The following TMEM184B variants were observed in gnomAD, a reference collection of about 807,000 sequenced individuals.
TMEM184B encodes the protein transmembrane protein 184B, also known as putative MAPK-activating protein FM08.
Under a neutral mutation model 41.8 loss-of-function variants are expected in TMEM184B, and 17 were observed. That is an observed-to-expected ratio of 0.41 (90% confidence interval 0.28 to 0.61). The LOEUF (loss-of-function observed/expected upper bound fraction) is 0.61. Among genes scored for constraint, TMEM184B ranks in the 20% least tolerant of loss-of-function variants. The pLI, the probability that TMEM184B is intolerant of heterozygous loss-of-function variation, is 0.34. For missense variants in TMEM184B, 393 were observed against 557.8 expected (o/e 0.70, Z 2.98); for synonymous variants, 240 against 229.5 (o/e 1.05, Z -0.41).
chr22:38,231,222 T>C (rs1323022717), intron 4 of TMEM184B, 22 bp downstream of exon 4: 40 of 1,607,976 alleles, frequency 2.5e-5, no homozygotes, highest in Non-Finnish European at 3.2e-5. Flanking sequence ...GGTTTAGGGC[T>C]CTGGGAAGAC....
chr22:38,225,487 G>A lies in TMEM184B; in HGVS notation c.724C>T (p.Pro242Ser). 6.3e-7 allele frequency: 1 copy of A among 1,596,366 alleles called. No homozygotes were observed. Among genetic ancestry groups the A allele is most frequent in the South Asian group, 1.1e-5 (1 of 89,066 alleles). ...AAGAACTTGAGGACGGGGCTGTAGG[G>A]GCTGAGCAGCTCCCGGGTGGCGAAG... Reference protein sequence around the residue: ...FYFATRELLSPYSPVLKFFMV... With the variant: ...FYFATRELLSSYSPVLKFFMV... Residue 242 changes from proline (P) to serine (S), a missense_variant, in exon 7 of 9, where the codon CCC becomes TCC. This residue lies in a region of TMEM184B where 271 missense variants were observed against 434.1 expected (regional missense o/e 0.62). Coordinates refer to ENST00000361906, the MANE Select transcript of TMEM184B (RefSeq NM_012264.5). This position sits in a 1 kb window ranked among gnomAD's most constrained non-coding sequence, Gnocchi z 4.4.
rs981235070 is a variant in TMEM184B, at chr22:38,220,697, G to A, written c.*772C>T. The A allele has an allele frequency of 2.4e-5, 24 of 986,180 alleles. No homozygotes were observed. Among genetic ancestry groups the A allele is most frequent in the Non-Finnish European group, 2.8e-5 (23 of 830,258 alleles). The allele number at this position is 986,180 out of a possible 1,614,324, so 61.1% of individuals were successfully genotyped here. On this transcript the variant is annotated 3_prime_UTR_variant, in exon 9 of 9. Coordinates refer to ENST00000361906, the MANE Select transcript of TMEM184B (RefSeq NM_012264.5). ...AAGGGCTCTGCCCAAAGCTATCGAG[G>A]AAGGACCCAAGTGAGCCGGCAGTGC...
chr22:38,249,067 G>T (rs1021196084), intron 1 of TMEM184B, among the ~76,000 whole-genome samples: 2 of 152,098 alleles, frequency 1.3e-5, no homozygotes, highest in Admixed American at 1.3e-4. Context: ...CGAACACGCG[G>T]GTCTGTCACC....
At chr22:38,251,701 C>T (rs985951752) in intron 1 of TMEM184B, among the ~76,000 whole-genome samples, 6 of 152,300 alleles carry the variant, frequency 3.9e-5, no homozygotes, top group Non-Finnish European at 8.8e-5. Context: ...CACAGGCAAG[C>T]AGGACGTTCA....
chr22:38,221,181 A>G lies in TMEM184B; in HGVS notation c.*288T>C, dbSNP rs937366371. On this transcript the variant is annotated 3_prime_UTR_variant, in exon 9 of 9. Coordinates refer to ENST00000361906, the MANE Select transcript of TMEM184B (RefSeq NM_012264.5). ...GGGCCTGGGTGCGGCTGGTCCCAGC[A>G]TGCCCCCAGCACAGGACGGGCAGCA... is the stretch of plus-strand genomic sequence containing the variant. 2.5e-5 allele frequency: 32 copies of G among 1,256,144 alleles called. No homozygotes were observed. The highest frequency in any genetic ancestry group is 3.1e-4 in the Middle Eastern group (1 of 3,234). 77.8% of individuals were successfully genotyped at this position (1,256,144 alleles called of 1,614,324 possible).
intron 1 of TMEM184B, among the ~76,000 whole-genome samples, chr22:38,249,181 G>C (rs1306574032): frequency 6.6e-6 from 1 of 152,180 alleles, no homozygotes; most frequent in Non-Finnish European, 1.5e-5. Context: ...ACAGGGTCTC[G>C]CTCTGTTGCC....
chr22:38,231,743 G>A (rs979524575), intron 3 of TMEM184B: 2 of 361,888 alleles, frequency 5.5e-6, no homozygotes, highest in Non-Finnish European at 1.1e-5. Context: ...GCATGCGCCT[G>A]TGGTCCCAGC....
intron 1 of TMEM184B, among the ~76,000 whole-genome samples, chr22:38,253,073 C>A (rs1228788166): frequency 6.6e-6 from 1 of 152,030 alleles, no homozygotes; most frequent in Non-Finnish European, 1.5e-5. Context: ...ACCCGGGAGG[C>A]AGAGCTTGCA....
At chr22:38,242,211 T>C (rs1415362705) in intron 3 of TMEM184B, among the ~76,000 whole-genome samples, 1 of 151,886 alleles carries the variant, frequency 6.6e-6, no homozygotes, top group East Asian at 1.9e-4. Context: ...CTCACGCCTG[T>C]AATCCCAGCA....
intron 8 of TMEM184B, among the ~76,000 whole-genome samples, chr22:38,224,326 G>GA (rs2091358697): frequency 6.6e-6 from 1 of 152,212 alleles, no homozygotes; most frequent in Non-Finnish European, 1.5e-5. Flanking sequence ...GTGTTAGCCA[G>GA]GATGGTCTCG....
chr22:38,260,471 A>C (rs557985773), intron 1 of TMEM184B, among the ~76,000 whole-genome samples: 106 of 152,242 alleles, frequency 7.0e-4, no homozygotes, highest in Admixed American at 1.0e-3. Flanking sequence ...CACCTGACAA[A>C]TGGTTCTTCC....
chr22:38,247,897 G>C lies in TMEM184B; in HGVS notation c.65C>G (p.Pro22Arg), dbSNP rs1179281195. The C allele has an allele frequency of 6.2e-7, 1 of 1,609,736 alleles. No homozygotes were observed. Among genetic ancestry groups the C allele is most frequent in the Non-Finnish European group, 8.5e-7 (1 of 1,178,982 alleles). The change falls in exon 2 of 9, where the codon CCC (proline) becomes CGC (arginine). Residue 22 changes from proline (P) to arginine (R), a missense_variant. Transcript: ENST00000361906. ...PASPTTAAAS[P>R]SVSVIPEGSP... ...GCCCTCGGGGATCACGGAGACGCTG[G>C]GCGAGGCTGCTGCGGTCGTGGGCGA...
At chr22:38,231,165 G>C in intron 4 of TMEM184B, 79 bp downstream of exon 4, 1 of 1,221,224 alleles carries the variant, frequency 8.2e-7, no homozygotes, top group Non-Finnish European at 1.2e-6. Context: ...TCTGTGTCCA[G>C]CTGGTGCCAG....
chr22:38,216,410 AATTT>A (rs1416653980), downstream of TMEM184B: 5 of 167,092 alleles, frequency 3.0e-5, no homozygotes, highest in African/African-American at 4.8e-5. Flanking sequence ...CGGCTCCTAG[AATTT>A]ATTTATTTCC....
intron 1 of TMEM184B, among the ~76,000 whole-genome samples, chr22:38,260,836 A>C (rs2092359410): frequency 6.6e-6 from 1 of 152,000 alleles, no homozygotes; most frequent in African/African-American, 2.4e-5. Flanking sequence ...CTGAGGTCAT[A>C]TTTTCATTCA....
rs1225024219 is a variant in TMEM184B, at chr22:38,220,469, C to T, written c.*1000G>A. On this transcript the variant is annotated 3_prime_UTR_variant, in exon 9 of 9. Transcript: ENST00000361906. ...GCCCCGAGAGGAGTCTGGGACCATT[C>T]CCCCCACCTCCCAGCTCCCCACTGT... The T allele has an allele frequency of 3.0e-6, 3 of 985,506 alleles. No homozygotes were observed. The highest frequency in any genetic ancestry group is 3.6e-6 in the Non-Finnish European group (3 of 829,794). The allele number at this position is 985,506 out of a possible 1,614,324, so 61.0% of individuals were successfully genotyped here. A position where few individuals can be genotyped will look rare whatever the true frequency, so the allele number is the denominator to read the frequency against.
intron 1 of TMEM184B, among the ~76,000 whole-genome samples, chr22:38,251,706 C>T (rs1189474168): frequency 6.6e-6 from 1 of 152,148 alleles, no homozygotes; most frequent in African/African-American, 2.4e-5. Context: ...GCAAGCAGGA[C>T]GTTCACCTGG....
intron 1 of TMEM184B, among the ~76,000 whole-genome samples, chr22:38,261,699 T>G (rs2092370580): frequency 6.6e-6 from 1 of 152,212 alleles, no homozygotes; most frequent in Admixed American, 6.5e-5. Context: ...TGTGACCACC[T>G]TTCCAGCCAG....
In TMEM184B at chr22:38,247,944, A is replaced by T; in HGVS notation, c.18T>A (p.Asp6Glu). 6.3e-7 allele frequency: 1 copy of T among 1,584,982 alleles called. No homozygotes were observed. The highest frequency in any genetic ancestry group is 8.5e-7 in the Non-Finnish European group (1 of 1,171,032). Residue 6 changes from aspartate (D) to glutamate (E), a missense_variant, in exon 2 of 9, where the codon GAT becomes GAA. By Grantham distance (45) the Asp-to-Glu change is conservative (BLOSUM62 2). Coordinates refer to ENST00000361906, the MANE Select transcript of TMEM184B (RefSeq NM_012264.5). ...GCGACGCTGGATCCGGGGCCAGCAC[A>T]TCCCCCCTCACTGTCATGGTGCCTG... MTVRG[D>E]VLAPDPASPT... is the part of the protein sequence containing the mutation.
Sources: allele counts gnomAD v4.1 joint callset (sites outside exome capture counted in the v4.1 genomes callset), GRCh38; gene constraint gnomAD v4.1.1; regional missense constraint gnomAD v4.1.1; non-coding constraint Gnocchi (gnomAD v3.1); transcripts MANE v1.5; gene names NCBI Gene and HGNC (gene_info 2026-07-23, HGNC 2026-07-21).